The following BCL11B variants were observed in gnomAD, a reference collection of about 807,000 sequenced individuals.
BCL11B encodes B-cell lymphoma/leukemia 11B.
BCL11B carries 8 observed loss-of-function variants against 49.9 expected under a neutral mutation model. That is an observed-to-expected ratio of 0.16 (90% CI 0.09 to 0.29). BCL11B has a LOEUF of 0.29. BCL11B is among the 10% of genes least tolerant of loss of function. The pLI, the probability that BCL11B is intolerant of heterozygous loss-of-function variation, is 1.00. For synonymous variants in BCL11B, 739 were observed against 637.4 expected (o/e 1.16, Z -2.40); for missense variants, 1,006 against 1,351.0 (o/e 0.74, Z 4.00).
chr14:99,227,980 C>G (rs1888207137), intron 3 of BCL11B, among the ~76,000 whole-genome samples: 1 of 152,152 alleles, frequency 6.6e-6, no homozygotes, highest in South Asian at 2.1e-4. Flanking sequence ...GCAGGGCCCC[C>G]TGGGATGCTG....
At chr14:99,245,020 C>T (rs1297246840) in intron 2 of BCL11B, among the ~76,000 whole-genome samples, 1 of 152,188 alleles carries the variant, frequency 6.6e-6, no homozygotes, top group African/African-American at 2.4e-5. Context: ...TGAAGGTAAA[C>T]TTTTAATCGG....
chr14:99,183,470 C>T (rs564097764), intron 3 of BCL11B, among the ~76,000 whole-genome samples: 18 of 152,234 alleles, frequency 1.2e-4, no homozygotes, highest in African/African-American at 4.1e-4. Flanking sequence ...AGACATCCGA[C>T]AGACCAGGAG....
In BCL11B at chr14:99,231,589, G is replaced by C. The variant is rs1888337380; in HGVS notation, c.428-32C>G. On this transcript the variant is annotated intron_variant, in intron 2 of 3. Transcript: ENST00000357195. The surrounding 1 kb of genome is among the most constrained non-coding windows in gnomAD (Gnocchi z 8.1). ...AAAAAACAATAGAAAAGACTGGTCA[G>C]TCGGGCCCTGGACTGTGTGAGGGGC... 2 of 1,545,394 alleles carry C rather than the reference G, an allele frequency of 1.3e-6. No homozygotes were observed. The highest frequency in any genetic ancestry group is 1.7e-6 in the Non-Finnish European group (2 of 1,143,674).
Position 99,269,518 on chromosome 14 carries a change from C to CG in BCL11B, c.58+1642_58+1643insC, listed in dbSNP as rs1555385244. 8.4e-3 allele frequency among the ~76,000 whole-genome samples: 1,095 copies of CG among 130,282 alleles called. 21 individuals carry two copies. The highest frequency in any genetic ancestry group is 0.026 in the African/African-American group (1,021 of 39,632). The allele number at this position is 130,282 out of a possible 152,430, so 85.5% of individuals were successfully genotyped here. Reference sequence around the variant, plus strand: ...CGAATCCCACTTTAATTTCTATTCCCCCCCCCCCAAAAAAAATCATAATAA... The same window carrying CG: ...CGAATCCCACTTTAATTTCTATTCCCGCCCCCCCCAAAAAAAATCATAATAA... On this transcript the variant is annotated intron_variant, in intron 1 of 3. Transcript: ENST00000357195.
chr14:99,181,693 C>T lies in BCL11B; in HGVS notation c.641-5498G>A, dbSNP rs562570954. On this transcript the variant is annotated intron_variant, in intron 3 of 3. Transcript: ENST00000357195. ...GGAGAAGGGGAGACGTTTCACAGAG[C>T]GAGCAAGCGAGCCTGCGGGGTATGA... is the stretch of plus-strand genomic sequence containing the variant. Among the ~76,000 whole-genome samples the T allele has an allele frequency of 5.3e-5, 8 of 152,300 alleles. No homozygotes were observed. In the East Asian group the frequency reaches 1.4e-3, roughly 26 times the overall value.
chr14:99,201,488 C>G (rs1040134022), intron 3 of BCL11B, among the ~76,000 whole-genome samples: 2 of 152,170 alleles, frequency 1.3e-5, no homozygotes, highest in Non-Finnish European at 2.9e-5. Context: ...GGTGGAGTAA[C>G]TTGTCCAAGG....
At chr14:99,201,823 C>A (rs1039805146) in intron 3 of BCL11B, among the ~76,000 whole-genome samples, 1 of 152,190 alleles carries the variant, frequency 6.6e-6, no homozygotes, top group African/African-American at 2.4e-5. Flanking sequence ...TTTGACCATC[C>A]CTCGGTGCCT....
rs1397563483 is a variant in BCL11B, at chr14:99,247,228, G to C, written c.427+10243C>G. 6.6e-6 allele frequency among the ~76,000 whole-genome samples: 1 copy of C among 152,180 alleles called. No individual in the cohort carries two copies. Among genetic ancestry groups the C allele is most frequent in the African/African-American group, 2.4e-5 (1 of 41,438 alleles). On this transcript the variant is annotated intron_variant, in intron 2 of 3. Transcript: ENST00000357195. The surrounding 1 kb of genome is among the most constrained non-coding windows in gnomAD (Gnocchi z 4.5). ...ATACTTCGTTTTCCCAACAAATAAAGTCGCCTAGTTTGCAGGGAAAGTTTT... is the reference window on the plus strand; with the variant it reads ...ATACTTCGTTTTCCCAACAAATAAACTCGCCTAGTTTGCAGGGAAAGTTTT...
At chr14:99,264,625 A>G (rs565888415) in intron 1 of BCL11B, 1 of 152,172 alleles carries the variant, frequency 6.6e-6, no homozygotes, top group African/African-American at 2.4e-5. Context: ...GAAAAAGAAA[A>G]AAGAATGAAT....
intron 2 of BCL11B, among the ~76,000 whole-genome samples, chr14:99,235,348 G>GAGAC (rs757772634): frequency 1.3e-5 from 2 of 152,150 alleles, no homozygotes; most frequent in Non-Finnish European, 2.9e-5. Flanking sequence ...ATCAAGGAAG[G>GAGAC]AGACAGCCAG....
At chr14:99,204,923 A>G (rs1013903621) in intron 3 of BCL11B, among the ~76,000 whole-genome samples, 2 of 152,332 alleles carry the variant, frequency 1.3e-5, no homozygotes, top group South Asian at 4.1e-4. Flanking sequence ...AGCAAAACAC[A>G]GACATGTAAC....
chr14:99,178,649 T>G (rs1438665629), intron 3 of BCL11B, among the ~76,000 whole-genome samples: 4 of 152,138 alleles, frequency 2.6e-5, no homozygotes, highest in Admixed American at 6.5e-5. Flanking sequence ...TTTAGACGAC[T>G]CCTCACACCC....
In BCL11B at chr14:99,228,018, TA is replaced by T. The variant is rs1888207984; in HGVS notation, c.640+3326del. Among the ~76,000 whole-genome samples, 1 of 152,184 alleles carries T rather than the reference TA, an allele frequency of 6.6e-6. No homozygotes were observed. The highest frequency in any genetic ancestry group is 1.9e-4 in the East Asian group (1 of 5,182). Reference sequence around the variant, plus strand: ...AGCCCAGGGTGTGCACAAACACACATACCTGTGTGGTTTTCTCCCCCCGTAA... The same window carrying T: ...AGCCCAGGGTGTGCACAAACACACATCCTGTGTGGTTTTCTCCCCCCGTAA... On this transcript the variant is annotated intron_variant, in intron 3 of 3. Coordinates refer to ENST00000357195, the MANE Select transcript of BCL11B (RefSeq NM_138576.4). The surrounding 1 kb of genome is among the most constrained non-coding windows in gnomAD (Gnocchi z 4.8).
Position 99,175,100 on chromosome 14 carries a change from G to A in BCL11B, c.1736C>T (p.Ala579Val), listed in dbSNP as rs1214962641. The A allele has an allele frequency of 1.9e-6, 3 of 1,598,376 alleles. No homozygotes were observed. The highest frequency in any genetic ancestry group is 2.6e-6 in the Non-Finnish European group (3 of 1,176,010). The change falls in exon 4 of 4, where the codon GCG (alanine) becomes GTG (valine). Residue 579 changes from alanine (A) to valine (V), a missense_variant. Coordinates refer to ENST00000357195, the MANE Select transcript of BCL11B (RefSeq NM_138576.4). Reference sequence around the variant, plus strand: ...CAGCGCCTTGGCCGCGCCGCCCCCCGCGCCCGGGACCCCGGGCACCCCACC... The same window carrying A: ...CAGCGCCTTGGCCGCGCCGCCCCCCACGCCCGGGACCCCGGGCACCCCACC... The part of the protein sequence containing the change: ...GGGGVPGVPG[A>V]GGGAAKALAD...
In BCL11B at chr14:99,242,733, T is replaced by C. The variant is rs970478230; in HGVS notation, c.428-11176A>G. Among the ~76,000 whole-genome samples the C allele has an allele frequency of 1.3e-5, 2 of 152,252 alleles. No individual in the cohort carries two copies. The highest frequency in any genetic ancestry group is 2.9e-5 in the Non-Finnish European group (2 of 68,054). ...GTTTTGGACCCTGCCAGAGGTTATT[T>C]TATGAAAAATCTAATTCAAGTAATC... On this transcript the variant is annotated intron_variant, in intron 2 of 3. Coordinates refer to ENST00000357195, the MANE Select transcript of BCL11B (RefSeq NM_138576.4). The surrounding 1 kb of genome is among the most constrained non-coding windows in gnomAD (Gnocchi z 4.4).
intron 2 of BCL11B, among the ~76,000 whole-genome samples, chr14:99,246,019 C>T (rs1053959077): frequency 6.6e-6 from 1 of 152,132 alleles, no homozygotes; most frequent in African/African-American, 2.4e-5. Flanking sequence ...TGCATTCCAC[C>T]ACCTTCAGGA....
intron 1 of BCL11B, among the ~76,000 whole-genome samples, chr14:99,265,801 C>A (rs763828089): frequency 5.9e-5 from 9 of 152,130 alleles, no homozygotes; most frequent in Non-Finnish European, 1.2e-4. Context: ...CAGCGCTAGG[C>A]TTTTGTCTGA....
intron 1 of BCL11B, among the ~76,000 whole-genome samples, chr14:99,267,544 A>C (rs1263417651): frequency 5.0e-3 from 659 of 131,546 alleles, no homozygotes; most frequent in Non-Finnish European, 7.4e-3. Flanking sequence ...GAGGAACTTC[A>C]CCCCCCCCCC....
intron 3 of BCL11B, among the ~76,000 whole-genome samples, chr14:99,211,981 C>T (rs1566812339): frequency 6.6e-6 from 1 of 152,134 alleles, no homozygotes; most frequent in Non-Finnish European, 1.5e-5. Context: ...CTCCACACAT[C>T]CCAGCAGAAG....
Sources: allele counts gnomAD v4.1 joint callset (sites outside exome capture counted in the v4.1 genomes callset), GRCh38; gene constraint gnomAD v4.1.1; non-coding constraint Gnocchi (gnomAD v3.1); transcripts MANE v1.5; gene names NCBI Gene and HGNC (gene_info 2026-07-23, HGNC 2026-07-21).